RNF130: variants seen among roughly 807,000 people sequenced by gnomAD.
RNF130 encodes E3 ubiquitin-protein ligase RNF130.
A neutral mutation model predicts 44.6 loss-of-function variants in RNF130; 21 were observed. The ratio of observed to expected loss-of-function variants is 0.47; its 90% CI spans 0.33 to 0.68. The LOEUF (loss-of-function observed/expected upper bound fraction) is 0.68, where lower values mean the gene tolerates loss of function less well. Ranked by LOEUF, RNF130 falls within the 30% of genes least tolerant of loss-of-function variation. The probability of loss-of-function intolerance (pLI) is 0.02; values close to 1 mark genes in which losing one functional copy is unlikely to be tolerated. For synonymous variants in RNF130, 214 were observed against 210.4 expected (o/e 1.02, Z -0.15); for missense variants, 479 against 560.6 (o/e 0.85, Z 1.47).
At chr5:179,985,123 A>G (rs1266576559) in intron 3 of RNF130, among the ~76,000 whole-genome samples, 1 of 140,410 alleles carries the variant, frequency 7.1e-6, no homozygotes, top group African/African-American at 2.7e-5. Flanking sequence ...TTTCTTCAAC[A>G]TCCTCATCTT....
intron 2 of RNF130, among the ~76,000 whole-genome samples, chr5:180,030,402 T>C (rs1261307361): frequency 6.6e-6 from 1 of 152,182 alleles, no homozygotes; most frequent in Non-Finnish European, 1.5e-5. Context: ...CCTACAAGAC[T>C]CATCTTTGTA....
chr5:179,946,880 G>A (rs1027990028), intron 7 of RNF130, among the ~76,000 whole-genome samples: 3 of 152,134 alleles, frequency 2.0e-5, no homozygotes, highest in African/African-American at 7.2e-5. Context: ...CATCAGCTGG[G>A]TTTGCCTTTA....
rs756837369 is a variant in RNF130 at position 179,977,898 on chromosome 5, AGATAAAC to A, written c.848+298_848+304del. Among the ~76,000 whole-genome samples, 7 of 152,354 alleles carry A rather than the reference AGATAAAC, an allele frequency of 4.6e-5. No homozygotes were observed. The East Asian group carries it at 1.3e-3, about 29-fold the overall frequency. ...TAAATAAAAGAAAACAAACATAAAAAGATAAACGAAACCATAGAACAAGAATTCTCGA... is the reference window on the plus strand; with the variant it reads ...TAAATAAAAGAAAACAAACATAAAAAGAAACCATAGAACAAGAATTCTCGA... On this transcript the variant is annotated intron_variant, in intron 5 of 8. Transcript: ENST00000521389. This position sits in a 1 kb window ranked among gnomAD's most constrained non-coding sequence, Gnocchi z 4.1.
chr5:179,940,034 G>A, intron 7 of RNF130: 1 of 220,462 alleles, frequency 4.5e-6, no homozygotes, highest in Non-Finnish European at 8.9e-6. Flanking sequence ...TTCTTCTTTA[G>A]TCTCAGGACT....
chr5:180,044,761 G>A (rs1385534914), intron 1 of RNF130, among the ~76,000 whole-genome samples: 1 of 152,120 alleles, frequency 6.6e-6, no homozygotes, highest in Non-Finnish European at 1.5e-5. Context: ...GAACCCAGGA[G>A]GCGGAGGTTA....
chr5:179,929,747 C>CA (rs34934872), intron 7 of RNF130, among the ~76,000 whole-genome samples: 69,405 of 147,788 alleles, frequency 0.47, 16,960 homozygotes, highest in East Asian at 0.76. Context: ...GACTGTGTCT[C>CA]AAAAAAAAAA....
At chr5:180,038,321 C>G (rs1271415060) in intron 2 of RNF130, among the ~76,000 whole-genome samples, 2 of 151,020 alleles carry the variant, frequency 1.3e-5, no homozygotes, top group Non-Finnish European at 2.9e-5. Flanking sequence ...TCCCCAGGCT[C>G]AGGGATCCAT....
At chr5:179,988,787 T>G (rs555615639) in intron 3 of RNF130, among the ~76,000 whole-genome samples, 78 of 152,232 alleles carry the variant, frequency 5.1e-4, no homozygotes, top group Non-Finnish European at 1.1e-3. Context: ...TTGTTGAGAC[T>G]TGTTTTGTGG....
At chr5:179,989,991 G>C (rs1054901922) in intron 3 of RNF130, among the ~76,000 whole-genome samples, 3 of 152,114 alleles carry the variant, frequency 2.0e-5, no homozygotes, top group Non-Finnish European at 4.4e-5. Flanking sequence ...TAGTCCAGTG[G>C]TGATGAATTC....
chr5:179,985,451 T>G (rs555299135), intron 3 of RNF130, among the ~76,000 whole-genome samples: 1 of 151,980 alleles, frequency 6.6e-6, no homozygotes, highest in African/African-American at 2.4e-5. Context: ...GCTCTAGAGG[T>G]TGAATTAGAG....
chr5:180,038,868 C>A (rs926831386), intron 2 of RNF130, among the ~76,000 whole-genome samples: 1 of 152,160 alleles, frequency 6.6e-6, no homozygotes, highest in Non-Finnish European at 1.5e-5. Context: ...TCTCCCTATT[C>A]ATTTTTCTTC....
intron 5 of RNF130, among the ~76,000 whole-genome samples, chr5:179,974,236 G>A (rs759829436): frequency 1.8e-4 from 28 of 152,146 alleles, no homozygotes; most frequent in Admixed American, 3.3e-4. Context: ...TGCAGCGGCC[G>A]GCCCCCCGCT....
At chr5:179,917,542 T>G (rs1761570244) in exon 8 of RNF130, 1 of 152,362 alleles carries the variant, frequency 6.6e-6, no homozygotes, top group Non-Finnish European at 1.5e-5. Context: ...GGCGGAACAC[T>G]GCTCCCCAAG....
intron 7 of RNF130, among the ~76,000 whole-genome samples, chr5:179,925,632 A>T (rs1293180792): frequency 6.6e-6 from 1 of 152,126 alleles, no homozygotes; most frequent in African/African-American, 2.4e-5. Flanking sequence ...GGGCTCAAGC[A>T]ATTGTCTTGC....
At chr5:180,005,299 G>C (rs181559154) in intron 3 of RNF130, among the ~76,000 whole-genome samples, 1 of 152,104 alleles carries the variant, frequency 6.6e-6, no homozygotes, top group African/African-American at 2.4e-5. Context: ...CTGGTGGTGG[G>C]CACCTGTAAT....
chr5:179,975,669 C>G (rs1290938713), intron 5 of RNF130, among the ~76,000 whole-genome samples: 1 of 152,078 alleles, frequency 6.6e-6, no homozygotes, highest in African/African-American at 2.4e-5. Flanking sequence ...TCCACAGCAA[C>G]AGGGAAAACT....
At chr5:179,951,390 T>G (rs1762121860), downstream of RNF130, among the ~76,000 whole-genome samples, 1 of 24,500 alleles carries the variant, frequency 4.1e-5, no homozygotes, top group Admixed American at 4.5e-4. Flanking sequence ...TAGGTTTTTG[T>G]TTTTTTTTTT....
At chr5:179,988,504 A>G (rs532889969) in intron 3 of RNF130, among the ~76,000 whole-genome samples, 1 of 152,286 alleles carries the variant, frequency 6.6e-6, no homozygotes, top group South Asian at 2.1e-4. Flanking sequence ...CTTCATTTGA[A>G]ATATTTCTAA....
chr5:179,939,238 T>C (rs1468387676), intron 7 of RNF130, among the ~76,000 whole-genome samples: 1 of 150,818 alleles, frequency 6.6e-6, no homozygotes. Context: ...AATAAATAAA[T>C]AAAAGTGCAT....
Sources: allele counts gnomAD v4.1 joint callset (sites outside exome capture counted in the v4.1 genomes callset), GRCh38; gene constraint gnomAD v4.1.1; non-coding constraint Gnocchi (gnomAD v3.1); transcripts MANE v1.5; gene names NCBI Gene and HGNC (gene_info 2026-07-23, HGNC 2026-07-21).